VPS50: variants seen among roughly 807,000 people sequenced by gnomAD.
VPS50 encodes syndetin.
Under a neutral mutation model 139.7 loss-of-function variants are expected in VPS50, and 70 were observed. That is an observed-to-expected ratio of 0.50 (90% CI 0.41 to 0.61). The LOEUF is 0.61. VPS50 is among the 20% of genes least tolerant of loss of function. VPS50 has a pLI of 0.00. For missense variants in VPS50, 921 were observed against 1,133.7 expected (o/e 0.81, Z 2.69); for synonymous variants, 365 against 376.7 (o/e 0.97, Z 0.36).
chr7:93,257,419 A>G lies in VPS50; in HGVS notation c.377A>G (p.Gln126Arg). ...VKELERVTSLQTGLQLAAVIC... is the reference protein window; with the variant it reads ...VKELERVTSLRTGLQLAAVIC... ...GAACTTGAAAGAGTTACCTCATTGC[A>G]GACAGGTCTTCAATTAGCTGCTGTT... The change falls in exon 6 of 28, where the codon CAG becomes CGG. Residue 126 changes from glutamine (Q) to arginine (R), a missense_variant. Gln to Arg is a conservative substitution (Grantham distance 43). Around this residue, in one of 3 missense-constraint regions of VPS50, gnomAD observed 744 missense variants for 930.6 expected, o/e 0.80. Coordinates refer to ENST00000305866, the MANE Select transcript of VPS50 (RefSeq NM_017667.4). 5 of 1,603,746 alleles carry G rather than the reference A, an allele frequency of 3.1e-6. No individual in the cohort carries two copies. The highest frequency in any genetic ancestry group is 4.3e-6 in the Non-Finnish European group (5 of 1,171,814).
At position 93,358,298 on chromosome 7, in the gene VPS50, A is replaced by G; in HGVS notation, c.2776-19A>G. ...ATTCCTTTTAGGGTACTAAATTTGG[A>G]TCTTTCTTCTTTGAGCAGGAATATT... is the stretch of plus-strand genomic sequence containing the variant. On this transcript the variant is annotated intron_variant, in intron 27 of 27. Coordinates refer to ENST00000305866, the MANE Select transcript of VPS50 (RefSeq NM_017667.4). The G allele has an allele frequency of 6.2e-7, 1 of 1,611,782 alleles. No individual in the cohort carries two copies. The highest frequency in any genetic ancestry group is 1.1e-5 in the South Asian group (1 of 90,998).
chr7:93,283,887 T>C (rs1796404076), intron 12 of VPS50, among the ~76,000 whole-genome samples: 1 of 152,142 alleles, frequency 6.6e-6, no homozygotes. Context: ...TTTTTTAGTA[T>C]GGTGGTTTGG....
intron 2 of VPS50, among the ~76,000 whole-genome samples, chr7:93,250,790 A>G (rs982819425): frequency 1.3e-5 from 2 of 152,212 alleles, no homozygotes; most frequent in Non-Finnish European, 2.9e-5. Context: ...TTTGCAATCT[A>G]TCCATCTGAC....
At chr7:93,289,637 GTTTTAT>G (rs1169597287) in intron 12 of VPS50, among the ~76,000 whole-genome samples, 4 of 151,940 alleles carry the variant, frequency 2.6e-5, no homozygotes, top group Non-Finnish European at 5.9e-5. Flanking sequence ...TTCTAGTATA[GTTTTAT>G]TTTTGACATT....
chr7:93,340,293 GTTTATA>G (rs1418398008), intron 22 of VPS50, among the ~76,000 whole-genome samples: 2 of 152,172 alleles, frequency 1.3e-5, no homozygotes, highest in Non-Finnish European at 2.9e-5. Context: ...ACCAAAATAA[GTTTATA>G]TTAAGTTAAA....
chr7:93,356,690 A>T (rs1430063382), intron 27 of VPS50, among the ~76,000 whole-genome samples: 2 of 152,178 alleles, frequency 1.3e-5, no homozygotes, highest in Non-Finnish European at 2.9e-5. Flanking sequence ...TTTTTGACAC[A>T]GTTCAACTCA....
At chr7:93,350,081 A>C (rs376670223) in intron 25 of VPS50, 48 bp downstream of exon 25, 95 of 1,380,062 alleles carry the variant, frequency 6.9e-5, no homozygotes, top group Non-Finnish European at 9.2e-5. Context: ...CTACTAAGAG[A>C]AGTGTTCCTT....
At chr7:93,326,417 T>A (rs1469500360) in intron 21 of VPS50, among the ~76,000 whole-genome samples, 2 of 147,964 alleles carry the variant, frequency 1.4e-5, no homozygotes, top group Non-Finnish European at 3.0e-5. Context: ...CTGCACATTA[T>A]GCACATGTAC....
chr7:93,304,338 T>C (rs918374808), intron 17 of VPS50, among the ~76,000 whole-genome samples: 1 of 151,782 alleles, frequency 6.6e-6, no homozygotes, highest in Non-Finnish European at 1.5e-5. Context: ...TTACAAGTTT[T>C]TTTTTGATAG....
intron 18 of VPS50, among the ~76,000 whole-genome samples, chr7:93,307,015 T>G (rs1562878839): frequency 6.6e-6 from 1 of 151,912 alleles, no homozygotes; most frequent in Non-Finnish European, 1.5e-5. Context: ...TCATTCCAAT[T>G]ATTTTGGAAT....
intron 11 of VPS50, among the ~76,000 whole-genome samples, chr7:93,274,067 C>G (rs186652865): frequency 1.6e-4 from 24 of 152,168 alleles, no homozygotes; most frequent in Admixed American, 1.2e-3. Flanking sequence ...GGCCATTCCC[C>G]CTTCTCTCCC....
At chr7:93,249,807 C>G (rs1795265386) in intron 2 of VPS50, among the ~76,000 whole-genome samples, 1 of 152,110 alleles carries the variant, frequency 6.6e-6, no homozygotes, top group Non-Finnish European at 1.5e-5. Flanking sequence ...CAGACCTCCT[C>G]TTCCATTTCA....
chr7:93,271,184 G>T, intron 9 of VPS50, 36 bp from the exon 10 acceptor site: 3 of 1,539,196 alleles, frequency 1.9e-6, no homozygotes, highest in South Asian at 1.3e-5. Context: ...GTTTGTCTCA[G>T]AAATAGAAAA....
chr7:93,290,281 G>A lies in VPS50; in HGVS notation c.943-1422G>A, dbSNP rs543399477. 3.6e-4 allele frequency among the ~76,000 whole-genome samples: 54 copies of A among 151,786 alleles called. 1 individual carries two copies. The highest frequency in any genetic ancestry group is 1.2e-3 in the African/African-American group (51 of 41,404). On this transcript the variant is annotated intron_variant, in intron 12 of 27. Coordinates refer to ENST00000305866, the MANE Select transcript of VPS50 (RefSeq NM_017667.4). ...TGCCTCTGTTTTCTGTAATCTAATT[G>A]CATTAGCTTGTACTTCTGAATCATT...
chr7:93,323,785 A>C (rs1327028966), intron 21 of VPS50, 53 bp downstream of exon 21: 2 of 994,772 alleles, frequency 2.0e-6, no homozygotes, highest in Non-Finnish European at 2.8e-6. Flanking sequence ...TTATTTTATA[A>C]ATGTCAAAGT....
At chr7:93,266,160 A>G (rs1232599659) in intron 9 of VPS50, among the ~76,000 whole-genome samples, 1 of 152,222 alleles carries the variant, frequency 6.6e-6, no homozygotes, top group East Asian at 1.9e-4. Flanking sequence ...ATGGAGATAC[A>G]GTATAAACTT....
At chr7:93,276,570 C>G in intron 12 of VPS50, 1 of 397,968 alleles carries the variant, frequency 2.5e-6, no homozygotes, top group Admixed American at 4.2e-5. Flanking sequence ...ACCCATCTCT[C>G]TCAGGCTCCA....
Position 93,255,461 on chromosome 7 carries a change from G to A in VPS50, c.298-1048G>A, listed in dbSNP as rs147620773. 2.0e-5 allele frequency among the ~76,000 whole-genome samples: 3 copies of A among 152,118 alleles called. No individual in the cohort carries two copies. The East Asian group carries it at 5.8e-4, about 29-fold the overall frequency. On this transcript the variant is annotated intron_variant, in intron 4 of 27. Transcript: ENST00000305866. ...CGGCTGTAAATACAGATGAAGCTTCGCTTGCTCACCTGCCACTCACTTCCT... is the reference window on the plus strand; with the variant it reads ...CGGCTGTAAATACAGATGAAGCTTCACTTGCTCACCTGCCACTCACTTCCT...
At chr7:93,259,071 T>TA (rs570060642) in intron 8 of VPS50, among the ~76,000 whole-genome samples, 45 of 152,192 alleles carry the variant, frequency 3.0e-4, no homozygotes, top group South Asian at 8.3e-4. Context: ...TGTTAGGTGA[T>TA]AAAAATACTC....
Sources: allele counts gnomAD v4.1 joint callset (sites outside exome capture counted in the v4.1 genomes callset), GRCh38; gene constraint gnomAD v4.1.1; regional missense constraint gnomAD v4.1.1; transcripts MANE v1.5; gene names NCBI Gene and HGNC (gene_info 2026-07-23, HGNC 2026-07-21).